The following ZNF540 variants were observed in gnomAD, a reference collection of about 807,000 sequenced individuals.
ZNF540 encodes CTD-3064H18.6.
Under a neutral mutation model 11.8 loss-of-function variants are expected in ZNF540, and 3 were observed. The ratio of observed to expected loss-of-function variants is 0.25; its 90% CI spans 0.12 to 0.65. The LOEUF is 0.65. Ranked by LOEUF, ZNF540 falls within the 30% of genes least tolerant of loss-of-function variation. ZNF540 has a pLI of 0.83. For missense variants in ZNF540, 709 were observed against 793.1 expected (o/e 0.89, Z 1.27); for synonymous variants, 247 against 259.0 (o/e 0.95, Z 0.45).
At chr19:37,589,955 C>T (rs1294938408), upstream of ZNF540, among the ~76,000 whole-genome samples, 2 of 141,570 alleles carry the variant, frequency 1.4e-5, no homozygotes, top group African/African-American at 5.3e-5. Flanking sequence ...TACAAAATAA[C>T]AGGCCTGTAG....
chr19:37,601,165 G>A (rs571325409), intron 4 of ZNF540, 60 bp downstream of exon 4: 1 of 1,418,862 alleles, frequency 7.0e-7, no homozygotes, highest in South Asian at 1.3e-5. Context: ...GCCAGCTGGT[G>A]AGGGAGCATA....
chr19:37,588,099 CAAAAAAAAAAAAAAAA>C (rs58516591), intron 1 of ZNF540, among the ~76,000 whole-genome samples: 1 of 45,742 alleles, frequency 2.2e-5, no homozygotes, highest in Non-Finnish European at 3.8e-5. Flanking sequence ...GACTCCATCT[CAAAAAAAAAAAAAAAA>C]AAAAAAAAAA....
chr19:37,561,316 T>C (rs1322478873), intron 1 of ZNF540, among the ~76,000 whole-genome samples: 1 of 152,206 alleles, frequency 6.6e-6, no homozygotes, highest in Non-Finnish European at 1.5e-5. Context: ...CTACAGAAAT[T>C]GTTCCTCTCT....
intron 1 of ZNF540, among the ~76,000 whole-genome samples, chr19:37,556,876 T>C (rs961317484): frequency 6.6e-6 from 1 of 152,160 alleles, no homozygotes; most frequent in Non-Finnish European, 1.5e-5. Context: ...AGAGTGTTTT[T>C]TAGGGTGTGG....
At chr19:37,565,777 A>T (rs762229108) in intron 1 of ZNF540, 2 of 1,613,848 alleles carry the variant, frequency 1.2e-6, no homozygotes, top group Non-Finnish European at 1.7e-6. Flanking sequence ...TTTCATTAGT[A>T]TGAATTTTCT....
rs760978380 is a variant in ZNF540, at chr19:37,574,082, C to T, written c.-73+22417C>T. On this transcript the variant is annotated intron_variant, in intron 1 of 4. Coordinates refer to the ZNF540 transcript ENST00000592533. Reference sequence around the variant, plus strand: ...TTTTCTATGCTCTGGATCCATTATTCGTACCCTGAATGATGAAAAATATTC... The same window carrying T: ...TTTTCTATGCTCTGGATCCATTATTTGTACCCTGAATGATGAAAAATATTC... Among the ~76,000 whole-genome samples, 43 of 152,232 alleles carry T rather than the reference C, an allele frequency of 2.8e-4. 1 individual carries two copies. The highest frequency in any genetic ancestry group is 9.8e-4 in the Admixed American group (15 of 15,300).
intron 4 of ZNF540, among the ~76,000 whole-genome samples, chr19:37,608,351 A>C (rs943420264): frequency 2.0e-5 from 3 of 152,062 alleles, no homozygotes; most frequent in Middle Eastern, 3.2e-3. Flanking sequence ...TTTCTATTAC[A>C]GTGTTTTTGA....
chr19:37,599,725 G>A lies in ZNF540; in HGVS notation c.109G>A (p.Glu37Lys). Residue 37 changes from glutamate (E) to lysine (K), a missense_variant, in exon 3 of 5, where the codon GAG (glutamate) becomes AAG (lysine). Glu to Lys is a moderately conservative substitution (Grantham distance 56). Transcript: ENST00000316433. The part of the protein sequence containing the change: ...QRKLYRDVML[E>K]NYNNLVSLGY... Reference sequence around the variant, plus strand: ...GAAATTGTACAGAGATGTGATGTTGGAGAATTATAATAACTTGGTCTCACT... The same window carrying A: ...GAAATTGTACAGAGATGTGATGTTGAAGAATTATAATAACTTGGTCTCACT... The A allele has an allele frequency of 1.9e-6, 3 of 1,611,298 alleles. No homozygotes were observed. Among genetic ancestry groups the A allele is most frequent in the Non-Finnish European group, 1.7e-6 (2 of 1,178,540 alleles).
chr19:37,586,508 A>C, intron 1 of ZNF540: 1 of 727,328 alleles, frequency 1.4e-6, no homozygotes, highest in East Asian at 2.6e-5. Flanking sequence ...AGCATTGAGA[A>C]GAATTGGGCT....
Position 37,611,881 on chromosome 19 carries a change from C to T in ZNF540, c.601C>T (p.Gln201Ter). 2 of 1,613,830 alleles carry T rather than the reference C, an allele frequency of 1.2e-6. No individual in the cohort carries two copies. Among genetic ancestry groups the T allele is most frequent in the Non-Finnish European group, 1.7e-6 (2 of 1,179,954 alleles). Reference sequence around the variant, plus strand: ...TGGGAGTACTTTTAATAATGTCTATCAGCTTACTCTCCATCAGAAAATTCA... The same window carrying T: ...TGGGAGTACTTTTAATAATGTCTATTAGCTTACTCTCCATCAGAAAATTCA... ...ECGSTFNNVY[Q>*]LTLHQKIHTG... The change falls in exon 5 of 5, where the codon CAG becomes TAG. Residue 201 changes from glutamine (Q) to a stop codon, truncating the protein, a stop_gained. Transcript: ENST00000316433. LOFTEE classifies it low-confidence loss of function (END_TRUNC).
chr19:37,584,149 G>T, intron 1 of ZNF540: 2 of 1,608,798 alleles, frequency 1.2e-6, no homozygotes, highest in African/African-American at 1.3e-5. Context: ...ATTCTGAAGT[G>T]AAATGAGAAG....
At chr19:37,608,170 G>A (rs2044099171) in intron 4 of ZNF540, among the ~76,000 whole-genome samples, 1 of 151,854 alleles carries the variant, frequency 6.6e-6, no homozygotes, top group African/African-American at 2.4e-5. Flanking sequence ...TTTTCATCAT[G>A]TGTATTTACA....
intron 1 of ZNF540, chr19:37,565,247 T>C: frequency 6.2e-7 from 1 of 1,612,896 alleles, no homozygotes; most frequent in Non-Finnish European, 8.5e-7. Context: ...CCCACATTCT[T>C]TGCATTTATA....
intron 4 of ZNF540, among the ~76,000 whole-genome samples, chr19:37,604,990 T>C (rs1423904107): frequency 6.6e-6 from 1 of 152,274 alleles, no homozygotes; most frequent in Non-Finnish European, 1.5e-5. Context: ...TCTTGCTGAA[T>C]AGTATTTCAT....
At chr19:37,555,164 T>C (rs1600438245) in intron 1 of ZNF540, 3 of 152,028 alleles carry the variant, frequency 2.0e-5, no homozygotes, top group Admixed American at 2.0e-4. Flanking sequence ...CGGCTGCCAG[T>C]GAAAGAGCCA....
chr19:37,562,246 G>A (rs2042724592), intron 1 of ZNF540: 1 of 152,214 alleles, frequency 6.6e-6, no homozygotes, highest in African/African-American at 2.4e-5. Flanking sequence ...GCCAGGCATG[G>A]TGGCACGCAC....
chr19:37,565,054 A>ACGAATAAAGGCCTTTCCACATTC, intron 1 of ZNF540: 1 of 1,613,798 alleles, frequency 6.2e-7, no homozygotes, highest in East Asian at 2.2e-5. Flanking sequence ...GATATGCAAC[A>ACGAATAAAGGCCTTTCCACATTC]CGAATAAAGG....
chr19:37,598,215 G>T (rs778632225), intron 1 of ZNF540, among the ~76,000 whole-genome samples, 161 bp from the exon 2 acceptor site: 9 of 152,236 alleles, frequency 5.9e-5, no homozygotes, highest in Non-Finnish European at 8.8e-5. Flanking sequence ...CGTACAGCCA[G>T]GTTCCCTTGC....
chr19:37,552,569 T>C (rs1336391027), intron 1 of ZNF540, among the ~76,000 whole-genome samples: 1 of 152,232 alleles, frequency 6.6e-6, no homozygotes, highest in Non-Finnish European at 1.5e-5. Context: ...GATTGCTTTG[T>C]CTTCTTGGTC....
Sources: gnomAD v4.1 joint callset for allele counts (sites outside exome capture counted in the v4.1 genomes callset) on GRCh38, gnomAD v4.1.1 for gene constraint, MANE v1.5 for transcripts, NCBI Gene and HGNC (gene_info 2026-07-23, HGNC 2026-07-21) for gene names.